SNX27: variants seen among roughly 807,000 people sequenced by gnomAD.
SNX27 encodes sorting nexin-27.
SNX27 carries 22 observed loss-of-function variants against 71.6 expected under a neutral mutation model. The observed-to-expected ratio is 0.31, with a 90% CI of 0.22 to 0.44. The LOEUF (loss-of-function observed/expected upper bound fraction) is 0.44. Among genes scored for constraint, SNX27 ranks in the 20% least tolerant of loss-of-function variants. The pLI is 1.00. For synonymous variants in SNX27, 269 were observed against 277.2 expected, an observed-to-expected ratio of 0.97 and a Z score of 0.29; for missense variants, 531 against 698.6, an observed-to-expected ratio of 0.76 and a Z score of 2.70.
chr1:151,668,638 A>G lies in SNX27; in HGVS notation c.1149+3A>G. The G allele has an allele frequency of 6.2e-7, 1 of 1,609,920 alleles. No homozygotes were observed. Among genetic ancestry groups the G allele is most frequent in the Non-Finnish European group, 8.5e-7 (1 of 1,178,670 alleles). On this transcript the variant is annotated splice_donor_region_variant and intron_variant, in intron 7 of 11. Transcript: ENST00000458013. ...CTGTTACCTACTTCTTTCATCAGGTAGGTGAATTGATCTTCTTGAAAGGCA... is the reference window on the plus strand; with the variant it reads ...CTGTTACCTACTTCTTTCATCAGGTGGGTGAATTGATCTTCTTGAAAGGCA...
chr1:151,629,948 T>C (rs1347906635), intron 1 of SNX27, among the ~76,000 whole-genome samples: 1 of 151,468 alleles, frequency 6.6e-6, no homozygotes, highest in Non-Finnish European at 1.5e-5. Flanking sequence ...CTGTCTCTAC[T>C]GAAAATACAA....
intron 1 of SNX27, among the ~76,000 whole-genome samples, chr1:151,628,723 C>T (rs1314546791): frequency 1.3e-5 from 2 of 152,214 alleles, no homozygotes; most frequent in South Asian, 2.1e-4. Flanking sequence ...TTTGCAGTTC[C>T]CTGATGATGA....
intron 4 of SNX27, 126 bp downstream of exon 4, chr1:151,660,988 CT>C (rs769728243): frequency 5.6e-5 from 40 of 710,120 alleles, no homozygotes; most frequent in Non-Finnish European, 9.6e-5. Flanking sequence ...TTTCTACTTC[CT>C]TTTTATATGT....
intron 2 of SNX27, among the ~76,000 whole-genome samples, chr1:151,650,564 G>A (rs1171438450): frequency 6.6e-6 from 1 of 151,178 alleles, no homozygotes; most frequent in Non-Finnish European, 1.5e-5. Flanking sequence ...GCTTTTGGGT[G>A]TTTTATTCTA....
chr1:151,675,266 T>A (rs866752547), intron 7 of SNX27, among the ~76,000 whole-genome samples: 1 of 152,270 alleles, frequency 6.6e-6, no homozygotes. Flanking sequence ...ACTGAAATTT[T>A]AATGGGGTTT....
intron 2 of SNX27, among the ~76,000 whole-genome samples, chr1:151,656,139 C>T (rs553797661): frequency 5.2e-4 from 77 of 147,074 alleles, no homozygotes; most frequent in African/African-American, 1.7e-3. Context: ...AGGAGAATGG[C>T]GTGAACCCGG....
intron 1 of SNX27, among the ~76,000 whole-genome samples, chr1:151,616,884 T>C (rs1667447615): frequency 1.3e-5 from 2 of 152,322 alleles, no homozygotes; most frequent in South Asian, 2.1e-4. Flanking sequence ...AGATCTTTCA[T>C]AGGGCCTAGA....
intron 2 of SNX27, among the ~76,000 whole-genome samples, chr1:151,653,836 G>GTTT (rs60604221): frequency 2.8e-4 from 36 of 129,704 alleles, no homozygotes; most frequent in Non-Finnish European, 4.1e-4. Context: ...AGTTTTTTTT[G>GTTT]TTTTTTTTTT....
At chr1:151,681,011 C>A (rs747559281) in intron 7 of SNX27, among the ~76,000 whole-genome samples, 5 of 152,096 alleles carry the variant, frequency 3.3e-5, no homozygotes, top group Admixed American at 6.6e-5. Context: ...TTAGTCACTT[C>A]CTGGCAGGAC....
chr1:151,668,342 C>G (rs1670305672), intron 6 of SNX27, 130 bp from the exon 7 acceptor site: 1 of 833,316 alleles, frequency 1.2e-6, no homozygotes, highest in African/African-American at 1.7e-5. Flanking sequence ...AGGCAGAACT[C>G]CTTGGTGGAT....
At chr1:151,694,183 GTAAT>G (rs1671594252) in intron 11 of SNX27, 183 bp from the exon 12 acceptor site, 3 of 1,358,958 alleles carry the variant, frequency 2.2e-6, no homozygotes, top group Non-Finnish European at 2.8e-6. Context: ...ACTGAACCAC[GTAAT>G]TAATATCCAA....
Position 151,658,189 on chromosome 1 carries a change from T to C in SNX27, c.544-46T>C, listed in dbSNP as rs748827396. 3.3e-6 allele frequency: 5 copies of C among 1,532,122 alleles called. No individual in the cohort carries two copies. The South Asian group carries it at 6.2e-5, about 19-fold the overall frequency. 94.9% of individuals were successfully genotyped at this position (1,532,122 alleles called of 1,614,324 possible). On this transcript the variant is annotated intron_variant, in intron 2 of 11. Coordinates refer to ENST00000458013, the MANE Select transcript of SNX27 (RefSeq NM_001330723.2). ...AGCCTGACTAGATGATTTTGTGATT[T>C]AATTTGTATTAAGTATGCTTTTCTT...
intron 3 of SNX27, chr1:151,659,626 G>C (rs1669866969): frequency 6.6e-6 from 1 of 152,480 alleles, no homozygotes; most frequent in African/African-American, 2.4e-5. Context: ...TGAAACATTT[G>C]TCTAGAGGCG....
chr1:151,636,666 T>TAA (rs11333472), intron 1 of SNX27, among the ~76,000 whole-genome samples: 4,375 of 97,480 alleles, frequency 0.045, 146 homozygotes, highest in African/African-American at 0.1. Flanking sequence ...TCCACTTTTG[T>TAA]AAAAAAAAAA....
At chr1:151,693,223 C>G (rs2102744544) in intron 10 of SNX27, 184 bp downstream of exon 10, 1 of 976,268 alleles carries the variant, frequency 1.0e-6, no homozygotes. Context: ...TTGGCAATTT[C>G]CTATCCCACT....
At chr1:151,673,963 C>A (rs1670552949) in intron 7 of SNX27, among the ~76,000 whole-genome samples, 1 of 152,012 alleles carries the variant, frequency 6.6e-6, no homozygotes, top group African/African-American at 2.4e-5. Flanking sequence ...GACAACAGAT[C>A]AGTGGTTCTT....
rs199979277 is a variant in SNX27 at position 151,662,044 on chromosome 1, C to T, written c.802-122C>T. ...GACTTGTAAATGTATTGATTTTTTT[C>T]CCGTTTTCATTGGAACTCACTTCTT... is the stretch of plus-strand genomic sequence containing the variant. On this transcript the variant is annotated intron_variant, in intron 4 of 11. Transcript: ENST00000458013. The T allele has an allele frequency of 2.5e-5, 12 of 476,240 alleles. No individual in the cohort carries two copies. In the Middle Eastern group the frequency reaches 1.2e-3, roughly 47 times the overall value. The allele number at this position is 476,240 out of a possible 1,614,324, so 29.5% of individuals were successfully genotyped here.
intron 1 of SNX27, among the ~76,000 whole-genome samples, chr1:151,628,789 G>GT (rs1668066227): frequency 6.6e-6 from 1 of 152,302 alleles, no homozygotes; most frequent in African/African-American, 2.4e-5. Context: ...CCTTGGTGAG[G>GT]TATCTGTCCA....
intron 1 of SNX27, among the ~76,000 whole-genome samples, chr1:151,632,392 G>T (rs1376816615): frequency 6.6e-6 from 1 of 152,116 alleles, no homozygotes; most frequent in Non-Finnish European, 1.5e-5. Flanking sequence ...TCCTGACCTT[G>T]TGATCTGCTC....
Sources: gnomAD v4.1 joint callset for allele counts (sites outside exome capture counted in the v4.1 genomes callset) on GRCh38, gnomAD v4.1.1 for gene constraint, MANE v1.5 for transcripts, NCBI Gene and HGNC (gene_info 2026-07-23, HGNC 2026-07-21) for gene names.